The following KDM4C variants were observed in gnomAD, a reference collection of about 807,000 sequenced individuals.
KDM4C encodes lysine-specific demethylase 4C.
Under a neutral mutation model 129.3 loss-of-function variants are expected in KDM4C, and 81 were observed. The observed-to-expected ratio is 0.63, with a 90% CI of 0.52 to 0.75. The LOEUF (loss-of-function observed/expected upper bound fraction) is 0.75, where lower values mean the gene tolerates loss of function less well. Among genes scored for constraint, KDM4C ranks in the 30% least tolerant of loss-of-function variants. The pLI is 0.00. For synonymous variants in KDM4C, 573 were observed against 456.1 expected (o/e 1.26, Z -3.26); for missense variants, 1,457 against 1,304.0 (o/e 1.12, Z -1.81).
At chr9:6,721,800 T>G (rs1003971853) in intron 1 of KDM4C, among the ~76,000 whole-genome samples, 5 of 150,496 alleles carry the variant, frequency 3.3e-5, no homozygotes, top group Non-Finnish European at 4.4e-5. Context: ...ATATTGGCCA[T>G]GCTGGTCTCA....
chr9:7,052,627 G>C (rs1341568449), intron 17 of KDM4C, among the ~76,000 whole-genome samples: 1 of 152,184 alleles, frequency 6.6e-6, no homozygotes, highest in African/African-American at 2.4e-5. Flanking sequence ...CAGTACTCCA[G>C]AGAGCCTATG....
chr9:7,038,583 A>G (rs1828039061), intron 15 of KDM4C, among the ~76,000 whole-genome samples: 1 of 152,088 alleles, frequency 6.6e-6, no homozygotes, highest in Non-Finnish European at 1.5e-5. Context: ...TGATAATTCC[A>G]GTTCCCACCA....
intron 4 of KDM4C, among the ~76,000 whole-genome samples, chr9:6,836,608 T>TA (rs1276576295): frequency 1.3e-5 from 2 of 152,156 alleles, no homozygotes; most frequent in Non-Finnish European, 2.9e-5. Context: ...TCTTGCCTTG[T>TA]AAAAAATAGT....
intron 17 of KDM4C, among the ~76,000 whole-genome samples, chr9:7,091,609 G>C (rs1835812685): frequency 6.6e-6 from 1 of 152,156 alleles, no homozygotes; most frequent in Admixed American, 6.6e-5. Context: ...ATGGCTACAA[G>C]AACAAAATAC....
intron 12 of KDM4C, among the ~76,000 whole-genome samples, chr9:6,997,867 C>G (rs818892): frequency 0.71 from 107,668 of 152,136 alleles, 38,554 homozygotes; most frequent in Non-Finnish European, 0.76. Context: ...TTAATCTAAA[C>G]TTTTACTTAT....
rs554519375 is a variant in KDM4C at position 6,891,795 on chromosome 9, G to C, written c.784-1300G>C. ...CTGTTTCAGTCTCTTCTCCCTCCCA[G>C]AGATAAGTAATTTTCTGAGGTTGAT... On this transcript the variant is annotated intron_variant, in intron 7 of 21. Transcript: ENST00000381309. Among the ~76,000 whole-genome samples, 38 of 152,098 alleles carry C rather than the reference G, an allele frequency of 2.5e-4. 3 individuals are homozygous for C. The South Asian group carries it at 7.5e-3, about 30-fold the overall frequency.
At chr9:7,037,842 A>G (rs1329059607) in intron 15 of KDM4C, among the ~76,000 whole-genome samples, 1 of 151,904 alleles carries the variant, frequency 6.6e-6, no homozygotes, top group Non-Finnish European at 1.5e-5. Context: ...TAGTATATAT[A>G]TTTTCTGTTT....
At chr9:7,092,629 T>TC (rs1425001082) in intron 17 of KDM4C, among the ~76,000 whole-genome samples, 1 of 152,174 alleles carries the variant, frequency 6.6e-6, no homozygotes, top group Non-Finnish European at 1.5e-5. Flanking sequence ...GCTGGGCACT[T>TC]CTTCTGTGGG....
At chr9:6,722,842 G>T (rs964423332) in intron 1 of KDM4C, among the ~76,000 whole-genome samples, 4 of 152,058 alleles carry the variant, frequency 2.6e-5, no homozygotes, top group African/African-American at 7.2e-5. Context: ...AATTAGCTGG[G>T]TGTAGTGGCA....
chr9:6,892,657 A>G (rs1055820499), intron 7 of KDM4C, among the ~76,000 whole-genome samples: 1 of 152,224 alleles, frequency 6.6e-6, no homozygotes, highest in Admixed American at 6.5e-5. Context: ...AGAATTCATG[A>G]TATAGCCTGC....
intron 18 of KDM4C, among the ~76,000 whole-genome samples, chr9:7,115,478 A>G (rs979846972): frequency 2.6e-5 from 4 of 152,238 alleles, no homozygotes; most frequent in African/African-American, 9.6e-5. Context: ...CAACAGACAC[A>G]CAACAGCAAA....
intron 5 of KDM4C, among the ~76,000 whole-genome samples, chr9:6,873,423 C>G (rs918918316): frequency 1.3e-5 from 2 of 152,190 alleles, no homozygotes; most frequent in Non-Finnish European, 2.9e-5. Flanking sequence ...AATGTAGCCA[C>G]CTTCATTAAT....
At chr9:6,924,993 A>C in intron 8 of KDM4C, 1 of 985,398 alleles carries the variant, frequency 1.0e-6, no homozygotes, top group Non-Finnish European at 1.2e-6. Context: ...GTTTTGTATT[A>C]GTGAATCTTA....
At chr9:7,006,260 A>G (rs986405333) in intron 12 of KDM4C, among the ~76,000 whole-genome samples, 1 of 152,208 alleles carries the variant, frequency 6.6e-6, no homozygotes, top group African/African-American at 2.4e-5. Context: ...TATTAGAACC[A>G]GAAAGTTTTT....
At chr9:6,920,193 G>A (rs945210090) in intron 8 of KDM4C, among the ~76,000 whole-genome samples, 4 of 152,138 alleles carry the variant, frequency 2.6e-5, no homozygotes, top group East Asian at 1.9e-4. Context: ...TGAAATCATA[G>A]GGGTGTGGAA....
chr9:6,790,864 A>G, intron 1 of KDM4C, among the ~76,000 whole-genome samples: 1 of 152,062 alleles, frequency 6.6e-6, no homozygotes, highest in African/African-American at 2.4e-5. Context: ...TGCTGAAGGA[A>G]TCATCCTGTT....
At chr9:6,757,645 T>G, upstream of KDM4C, 2 of 985,462 alleles carry the variant, frequency 2.0e-6, no homozygotes, top group Non-Finnish European at 1.2e-6. Context: ...GAGGCCGCCA[T>G]AGGTGCGCGT....
chr9:6,887,855 G>A, intron 6 of KDM4C, 105 bp from the exon 7 acceptor site: 1 of 722,332 alleles, frequency 1.4e-6, no homozygotes, highest in Non-Finnish European at 2.5e-6. Context: ...GTCCATACTT[G>A]CATAAGTCAA....
chr9:7,070,624 A>G (rs902348957), intron 17 of KDM4C, among the ~76,000 whole-genome samples: 2 of 152,188 alleles, frequency 1.3e-5, no homozygotes, highest in African/African-American at 4.8e-5. Context: ...TGATTAATAT[A>G]CTGGAGAAAA....
Sources: allele counts gnomAD v4.1 joint callset (sites outside exome capture counted in the v4.1 genomes callset), GRCh38; gene constraint gnomAD v4.1.1; transcripts MANE v1.5; gene names NCBI Gene and HGNC (gene_info 2026-07-23, HGNC 2026-07-21).